Variants in ZMYND11 observed in about 807,000 individuals in gnomAD.
ZMYND11 encodes zinc finger MYND-type containing 11, also known as zinc finger MYND domain-containing protein 11.
Under a neutral mutation model 84.9 loss-of-function variants are expected in ZMYND11, and 9 were observed. That is an observed-to-expected ratio of 0.11 (90% CI 0.06 to 0.18). The LOEUF (loss-of-function observed/expected upper bound fraction) is 0.18, where lower values mean the gene tolerates loss of function less well. Among genes scored for constraint, ZMYND11 ranks in the 10% least tolerant of loss-of-function variants. The pLI is 1.00. For missense variants in ZMYND11, 409 were observed against 761.0 expected (o/e 0.54, Z 5.44); for synonymous variants, 250 against 244.1 (o/e 1.02, Z -0.23).
chr10:164,953 CAT>C (rs144898800), intron 1 of ZMYND11, among the ~76,000 whole-genome samples: 3,025 of 152,176 alleles, frequency 0.02, 95 homozygotes, highest in African/African-American at 0.069. Context: ...TTTGAAAAAT[CAT>C]GTGTATGTAG....
intron 2 of ZMYND11, among the ~76,000 whole-genome samples, chr10:192,564 T>A (rs1187765775): frequency 1.3e-5 from 2 of 152,210 alleles, no homozygotes; most frequent in East Asian, 3.8e-4. Flanking sequence ...TACAAGGAAT[T>A]TGTTGGTCTG....
chr10:217,197 GTC>G (rs1292151266), intron 3 of ZMYND11, among the ~76,000 whole-genome samples: 1 of 152,078 alleles, frequency 6.6e-6, no homozygotes, highest in African/African-American at 2.4e-5. Context: ...CTTCGGTTTG[GTC>G]TCTAAGTCAG....
At chr10:133,333 G>A (rs568938874), upstream of ZMYND11, among the ~76,000 whole-genome samples, 4 of 152,104 alleles carry the variant, frequency 2.6e-5, no homozygotes, top group Admixed American at 6.6e-5. Flanking sequence ...TGGCTTTTGC[G>A]TTTTATGTGG....
At chr10:237,531 T>A (rs1950186940) in intron 5 of ZMYND11, 54 bp from the exon 6 acceptor site, 1 of 1,111,702 alleles carries the variant, frequency 9.0e-7, no homozygotes, top group Non-Finnish European at 1.3e-6. Context: ...GGAATTGATG[T>A]CTTACCTGCC....
chr10:148,243 C>CTAACTTCCTTTGCTCTGGGAAGAAGTCT (rs1839387972), intron 1 of ZMYND11: 1 of 141,834 alleles, frequency 7.1e-6, no homozygotes, highest in African/African-American at 2.6e-5. Context: ...GGAAGAAGTC[C>CTAACTTCCTTTGCTCTGGGAAGAAGTCT]TAACTTCCTT....
intron 2 of ZMYND11, among the ~76,000 whole-genome samples, chr10:205,587 G>T (rs1368869769): frequency 6.6e-6 from 1 of 152,090 alleles, no homozygotes; most frequent in African/African-American, 2.4e-5. Context: ...CTTCTCAGGA[G>T]GCTGAGGTGG....
At chr10:236,361 T>C (rs1173822615) in intron 4 of ZMYND11, among the ~76,000 whole-genome samples, 1 of 152,194 alleles carries the variant, frequency 6.6e-6, no homozygotes, top group Non-Finnish European at 1.5e-5. Context: ...TGCTCAGAAA[T>C]GGAGATGTTA....
At chr10:157,183 A>C (rs1841905053) in intron 1 of ZMYND11, among the ~76,000 whole-genome samples, 1 of 152,122 alleles carries the variant, frequency 6.6e-6, no homozygotes, top group Non-Finnish European at 1.5e-5. Flanking sequence ...TATATTTGAA[A>C]ATTTCCGTAA....
intron 2 of ZMYND11, among the ~76,000 whole-genome samples, chr10:184,738 C>T (rs966551940): frequency 2.0e-5 from 3 of 152,268 alleles, no homozygotes; most frequent in East Asian, 1.9e-4. Flanking sequence ...GTCATTCTTA[C>T]GTGAAATCAC....
intron 1 of ZMYND11, among the ~76,000 whole-genome samples, chr10:160,294 A>T (rs144218636): frequency 0.03 from 4,574 of 152,322 alleles, 108 homozygotes; most frequent in Non-Finnish European, 0.039. Flanking sequence ...GTTATGTCTA[A>T]CAAGACAAAT....
chr10:178,847 A>G (rs867677758), intron 1 of ZMYND11, among the ~76,000 whole-genome samples: 71 of 152,186 alleles, frequency 4.7e-4, no homozygotes, highest in African/African-American at 1.7e-3. Context: ...GATAGCAACT[A>G]TATAGTTTAT....
chr10:245,930 G>C (rs369947936), intron 10 of ZMYND11, among the ~76,000 whole-genome samples: 1 of 152,084 alleles, frequency 6.6e-6, no homozygotes, highest in Admixed American at 6.6e-5. Flanking sequence ...ATCTCTTGCC[G>C]CTGTCAAATG....
intron 1 of ZMYND11, among the ~76,000 whole-genome samples, chr10:164,193 T>C (rs543781007): frequency 2.6e-5 from 4 of 152,292 alleles, no homozygotes; most frequent in African/African-American, 9.6e-5. Context: ...CTCATCTGCT[T>C]TTCATAGTTC....
intron 2 of ZMYND11, among the ~76,000 whole-genome samples, chr10:186,033 G>A (rs1042102588): frequency 2.7e-5 from 4 of 148,622 alleles, no homozygotes; most frequent in African/African-American, 1.0e-4. Flanking sequence ...CTTTTGAGAC[G>A]GAGTCTGGCT....
chr10:183,239 T>G (rs1253755407), intron 2 of ZMYND11, among the ~76,000 whole-genome samples: 4 of 151,490 alleles, frequency 2.6e-5, no homozygotes, highest in Non-Finnish European at 5.9e-5. Context: ...TTTTTTTTTT[T>G]GGAACTGATT....
In ZMYND11 at chr10:180,034, C is replaced by A; in HGVS notation, c.22C>A (p.Arg8=). 6.2e-7 allele frequency: 1 copy of A among 1,613,132 alleles called. No homozygotes were observed. Among genetic ancestry groups the A allele is most frequent in the Non-Finnish European group, 8.5e-7 (1 of 1,179,564 alleles). The change falls in exon 2 of 15, where the codon CGA becomes AGA. Residue 8 remains arginine, a synonymous_variant. Transcript: ENST00000381604. MARLTKR[R]QADTKAIQHL... ...GGTCATGGCACGTTTAACAAAAAGA[C>A]GACAGGCGGATACAAAAGCTATCCA...
intron 1 of ZMYND11, among the ~76,000 whole-genome samples, chr10:144,456 AAGTGTTCTGCCC>A (rs1554754710): frequency 6.6e-6 from 1 of 151,982 alleles, no homozygotes; most frequent in African/African-American, 2.4e-5. Flanking sequence ...ACCTAGGCTC[AAGTGTTCTGCCC>A]ATCACGGCCT....
intron 10 of ZMYND11, among the ~76,000 whole-genome samples, chr10:242,544 C>T (rs1341962105): frequency 6.6e-6 from 1 of 152,102 alleles, no homozygotes; most frequent in Non-Finnish European, 1.5e-5. Context: ...TGTGATCTTA[C>T]AATGTGTGTA....
At chr10:164,785 A>G (rs1554763252) in intron 1 of ZMYND11, among the ~76,000 whole-genome samples, 1 of 152,122 alleles carries the variant, frequency 6.6e-6, no homozygotes, top group African/African-American at 2.4e-5. Context: ...GGAGAGGTAT[A>G]TGTGAAAGAG....
Sources: allele counts gnomAD v4.1 joint callset (sites outside exome capture counted in the v4.1 genomes callset), GRCh38; gene constraint gnomAD v4.1.1; transcripts MANE v1.5; gene names NCBI Gene and HGNC (gene_info 2026-07-23, HGNC 2026-07-21).